FHIP1B: variants seen among roughly 807,000 people sequenced by gnomAD.
FHIP1B encodes FHF complex subunit HOOK-interacting protein 1B.
Under a neutral mutation model 82.2 loss-of-function variants are expected in FHIP1B, and 28 were observed. The observed-to-expected ratio is 0.34, with a 90% confidence interval of 0.25 to 0.47. The LOEUF (loss-of-function observed/expected upper bound fraction) is 0.47. FHIP1B is among the 20% of genes least tolerant of loss of function. The pLI is 1.00. For synonymous variants in FHIP1B, 585 were observed against 516.1 expected (o/e 1.13, Z -1.81); for missense variants, 1,110 against 1,262.6 (o/e 0.88, Z 1.83).
chr11:6,217,612 C>T lies in FHIP1B; in HGVS notation c.1974G>A (p.Gly658=), dbSNP rs1265317752. The change falls in exon 9 of 12, where the codon GGG becomes GGA. Residue 658 remains glycine, a synonymous_variant. Coordinates refer to ENST00000449352, the MANE Select transcript of FHIP1B (RefSeq NM_001098794.2). ...CCTCGGAGATGCCCTCTAGCAGTTC[C>T]CCAGCTCCCTCCTTTGGCACCAGAC... The part of the protein sequence containing the change: ...KVRLVPKEGA[G]ELLEGISEGM... 10 of 1,613,896 alleles carry T rather than the reference C, an allele frequency of 6.2e-6. No individual in the cohort carries two copies. Among genetic ancestry groups the T allele is most frequent in the Non-Finnish European group, 7.6e-6 (9 of 1,179,940 alleles).
intron 9 of FHIP1B, chr11:6,217,022 C>A: frequency 2.9e-6 from 2 of 688,652 alleles, no homozygotes; most frequent in South Asian, 3.1e-5. Context: ...CAATATGGTT[C>A]AGAAATATTG....
intron 1 of FHIP1B, among the ~76,000 whole-genome samples, chr11:6,233,494 A>T (rs1023012937): frequency 6.6e-6 from 1 of 152,222 alleles, no homozygotes; most frequent in Non-Finnish European, 1.5e-5. Flanking sequence ...ATAAATTTTC[A>T]GGTGGCTAAA....
chr11:6,233,233 A>G lies in FHIP1B; in HGVS notation c.-192+1311T>C, dbSNP rs142759287. ...GACTGAGGCTGTCTAATTCTCAGGA[A>G]ATGGTCTCTCCCTGTCCACTGTAGA... On this transcript the variant is annotated intron_variant, in intron 1 of 11. Transcript: ENST00000449352. Among the ~76,000 whole-genome samples, 567 of 152,348 alleles carry G rather than the reference A, an allele frequency of 3.7e-3. 2 individuals carry two copies. Among genetic ancestry groups the G allele is most frequent in the African/African-American group, 0.013 (549 of 41,580 alleles).
chr11:6,231,162 T>C lies in FHIP1B; in HGVS notation c.-192+3382A>G, dbSNP rs140541400. Among the ~76,000 whole-genome samples the C allele has an allele frequency of 5.3e-5, 8 of 152,278 alleles. No homozygotes were observed. The East Asian group carries it at 1.5e-3, about 29-fold the overall frequency. ...AACTAAAGCTTTGACAGTGAAGATGTAGCAATGGAGATATAGAGAAGAGAG... is the reference window on the plus strand; with the variant it reads ...AACTAAAGCTTTGACAGTGAAGATGCAGCAATGGAGATATAGAGAAGAGAG... On this transcript the variant is annotated intron_variant, in intron 1 of 11. Transcript: ENST00000449352.
At chr11:6,232,111 T>C (rs1244577783) in intron 1 of FHIP1B, among the ~76,000 whole-genome samples, 2 of 152,086 alleles carry the variant, frequency 1.3e-5, no homozygotes, top group Non-Finnish European at 2.9e-5. Flanking sequence ...TCCTCATGTA[T>C]GTTTCATCCT....
chr11:6,223,823 G>A lies in FHIP1B; in HGVS notation c.564C>T (p.Ala188=). 6 of 1,614,186 alleles carry A rather than the reference G, an allele frequency of 3.7e-6. No individual in the cohort carries two copies. The highest frequency in any genetic ancestry group is 5.1e-6 in the Non-Finnish European group (6 of 1,180,022). The change falls in exon 3 of 12, where the codon GCC becomes GCT. Residue 188 remains alanine (A), a synonymous_variant. Transcript: ENST00000449352. This position sits in a 1 kb window ranked among gnomAD's most constrained non-coding sequence, Gnocchi z 4.8. Reference sequence around the variant, plus strand: ...AGAACTCGAGCAATGAAGGCTCCTGGGCCACACAAACACACAGCTGGCTGA... The same window carrying A: ...AGAACTCGAGCAATGAAGGCTCCTGAGCCACACAAACACACAGCTGGCTGA... ...LLLSQLCVCV[A]QEPSLLEFFL...
At chr11:6,232,986 C>T (rs1432926917) in intron 1 of FHIP1B, among the ~76,000 whole-genome samples, 1 of 152,132 alleles carries the variant, frequency 6.6e-6, no homozygotes, top group East Asian at 1.9e-4. Context: ...TCTTTCTCTC[C>T]CTCCATCTTG....
chr11:6,217,837 A>G lies in FHIP1B; in HGVS notation c.1749T>C (p.Pro583=), dbSNP rs1245782051. The G allele has an allele frequency of 6.2e-7, 1 of 1,613,808 alleles. No individual in the cohort carries two copies. Among genetic ancestry groups the G allele is most frequent in the Non-Finnish European group, 8.5e-7 (1 of 1,179,966 alleles). ...TCCGGGAGCCAAAAGGACTGGGCTCAGGAGAGGGCCGCTCGCCATCATAGG... is the reference window on the plus strand; with the variant it reads ...TCCGGGAGCCAAAAGGACTGGGCTCGGGAGAGGGCCGCTCGCCATCATAGG... ...SAPYDGERPS[P]EPSPFGSRTK... Residue 583 remains proline (P), a synonymous_variant, in exon 9 of 12, where the codon CCT becomes CCC. Coordinates refer to ENST00000449352, the MANE Select transcript of FHIP1B (RefSeq NM_001098794.2).
At chr11:6,218,427 G>T in intron 8 of FHIP1B, 173 bp downstream of exon 8, 1 of 1,041,614 alleles carries the variant, frequency 9.6e-7, no homozygotes, top group Non-Finnish European at 1.4e-6. Flanking sequence ...ATTTTCTTTG[G>T]TGAGTGTTAA....
chr11:6,224,684 A>T lies in FHIP1B; in HGVS notation c.-168T>A. On this transcript the variant is annotated 5_prime_UTR_variant, in exon 2 of 12. Coordinates refer to ENST00000449352, the MANE Select transcript of FHIP1B (RefSeq NM_001098794.2). ...GGCTGGAATGGCAAGCCCAGAGGTCACTGGCCAGTCCAGATTTCTAAATCT... is the reference window on the plus strand; with the variant it reads ...GGCTGGAATGGCAAGCCCAGAGGTCTCTGGCCAGTCCAGATTTCTAAATCT... 1.6e-6 allele frequency: 1 copy of T among 631,884 alleles called. No individual in the cohort carries two copies. The allele number at this position is 631,884 out of a possible 1,614,324, so 39.1% of individuals were successfully genotyped here.
Position 6,224,519 on chromosome 11 carries a change from G to C in FHIP1B, c.-3C>G. On this transcript the variant is annotated 5_prime_UTR_variant, in exon 2 of 12. Coordinates refer to ENST00000449352, the MANE Select transcript of FHIP1B (RefSeq NM_001098794.2). ...CTCAGCCAATTCATCCTCTCCATGA[G>C]GCAGGCTGGGCAGGACTGGCAGCCA... 8.1e-6 allele frequency: 13 copies of C among 1,606,720 alleles called. No individual in the cohort carries two copies. Among genetic ancestry groups the C allele is most frequent in the Non-Finnish European group, 1.1e-5 (13 of 1,176,562 alleles).
intron 1 of FHIP1B, among the ~76,000 whole-genome samples, chr11:6,225,664 A>C (rs935875002): frequency 3.3e-5 from 5 of 152,214 alleles, no homozygotes; most frequent in Admixed American, 6.5e-5. Context: ...ATGAACAATC[A>C]ATCAAGAAAT....
Position 6,214,483 on chromosome 11 carries a change from T to C in FHIP1B, c.2485A>G (p.Ile829Val), listed in dbSNP as rs755678121. 1.9e-6 allele frequency: 3 copies of C among 1,614,182 alleles called. No individual in the cohort carries two copies. Among genetic ancestry groups the C allele is most frequent in the Non-Finnish European group, 2.5e-6 (3 of 1,180,034 alleles). Residue 829 changes from isoleucine to valine, a missense_variant, in exon 11 of 12, where the codon ATT becomes GTT. Around this residue, in one of 6 missense-constraint regions of FHIP1B, gnomAD observed 147 missense variants for 154.0 expected, o/e 0.95. Transcript: ENST00000449352. ...GCCCAGTCCAACTTGCCACGGGCAATGAGGTACTTCTTGGCTTTGGACAGC... is the reference window on the plus strand; with the variant it reads ...GCCCAGTCCAACTTGCCACGGGCAACGAGGTACTTCTTGGCTTTGGACAGC... ...ALLSKAKKYLIARGKLDWAEG... is the reference protein window; with the variant it reads ...ALLSKAKKYLVARGKLDWAEG...
At chr11:6,219,106 C>T in intron 6 of FHIP1B, 56 bp from the exon 7 acceptor site, 1 of 1,433,688 alleles carries the variant, frequency 7.0e-7, no homozygotes, top group Non-Finnish European at 9.7e-7. Flanking sequence ...GCCCTCCAAG[C>T]CATTCACCAA....
In FHIP1B at chr11:6,214,835, C is replaced by T. The variant is rs1443430277; in HGVS notation, c.2292G>A (p.Thr764=). 8 of 1,612,148 alleles carry T rather than the reference C, an allele frequency of 5.0e-6. No homozygotes were observed. Among genetic ancestry groups the T allele is most frequent in the African/African-American group, 1.3e-5 (1 of 74,876 alleles). The change falls in exon 10 of 12, where the codon ACG becomes ACA. Residue 764 remains threonine (T), a synonymous_variant. Coordinates refer to ENST00000449352, the MANE Select transcript of FHIP1B (RefSeq NM_001098794.2). ...GACAGGCCAGCTGGGCCACCAGCCC[C>T]GTCAGCAGGAAGTTGACATAGACGG... ...QNSVYVNFLL[T]GLVAQLACHP...
intron 9 of FHIP1B, among the ~76,000 whole-genome samples, chr11:6,216,165 CTAAA>C (rs1327364998): frequency 6.6e-6 from 1 of 152,196 alleles, no homozygotes; most frequent in Admixed American, 6.5e-5. Context: ...AGAGCAGAGG[CTAAA>C]TAAATGGAAA....
At chr11:6,226,462 G>A (rs1847567239) in intron 1 of FHIP1B, among the ~76,000 whole-genome samples, 2 of 152,324 alleles carry the variant, frequency 1.3e-5, no homozygotes, top group Admixed American at 6.5e-5. Flanking sequence ...AAAGTGTCAT[G>A]GGGGCATGAA....
At chr11:6,234,422 ACACCCGGACCCTCAC>A (rs1847788604) in intron 1 of FHIP1B, 107 bp downstream of exon 1, 1 of 152,742 alleles carries the variant, frequency 6.5e-6, no homozygotes, top group Admixed American at 6.6e-5. Context: ...TTAGACACTC[ACACCCGGACCCTCAC>A]CACCTGCCAA....
intron 6 of FHIP1B, 64 bp from the exon 7 acceptor site, chr11:6,219,114 C>T (rs1269738571): frequency 7.4e-7 from 1 of 1,352,650 alleles, no homozygotes; most frequent in African/African-American, 1.4e-5. Context: ...AGCCATTCAC[C>T]AAACGGGAAC....
Sources: allele counts gnomAD v4.1 joint callset (sites outside exome capture counted in the v4.1 genomes callset), GRCh38; gene constraint gnomAD v4.1.1; regional missense constraint gnomAD v4.1.1; non-coding constraint Gnocchi (gnomAD v3.1); transcripts MANE v1.5; gene names NCBI Gene and HGNC (gene_info 2026-07-23, HGNC 2026-07-21).